The following VPS53 variants were observed in gnomAD, a reference collection of about 807,000 sequenced individuals.
VPS53 encodes the protein vacuolar protein sorting-associated protein 53 homolog.
Under a neutral mutation model 107.0 loss-of-function variants are expected in VPS53, and 70 were observed. The observed-to-expected ratio is 0.65, with a 90% CI of 0.54 to 0.80. The LOEUF (loss-of-function observed/expected upper bound fraction) is 0.80, where lower values mean the gene tolerates loss of function less well. VPS53 is among the 30% of genes least tolerant of loss of function. VPS53 has a pLI of 0.00. For missense variants in VPS53, 917 were observed against 1,049.4 expected (o/e 0.87, Z 1.74); for synonymous variants, 409 against 393.3 (o/e 1.04, Z -0.47).
At chr17:527,602 C>T (rs576363929) in intron 19 of VPS53, among the ~76,000 whole-genome samples, 1 of 152,256 alleles carries the variant, frequency 6.6e-6, no homozygotes, top group Admixed American at 6.5e-5. Context: ...CACTTGGTAT[C>T]ATCACTCTTT....
At chr17:650,325 C>T (rs1970890160) in intron 7 of VPS53, among the ~76,000 whole-genome samples, 1 of 151,660 alleles carries the variant, frequency 6.6e-6, no homozygotes, top group Non-Finnish European at 1.5e-5. Context: ...GAAGATCCCA[C>T]CTCTACAGAA....
At chr17:575,355 G>A (rs190037540) in intron 13 of VPS53, among the ~76,000 whole-genome samples, 88 of 152,306 alleles carry the variant, frequency 5.8e-4, no homozygotes, top group Non-Finnish European at 9.7e-4. Context: ...CATGATAGAA[G>A]CATTAAAAAC....
chr17:592,148 CTTCT>C (rs777621962), intron 12 of VPS53, among the ~76,000 whole-genome samples: 4 of 152,148 alleles, frequency 2.6e-5, no homozygotes, highest in African/African-American at 9.7e-5. Flanking sequence ...AAGTAATGGC[CTTCT>C]TTGTCTCTTT....
At chr17:555,540 G>A (rs1251008953) in intron 15 of VPS53, among the ~76,000 whole-genome samples, 1 of 151,982 alleles carries the variant, frequency 6.6e-6, no homozygotes, top group East Asian at 1.9e-4. Context: ...TTACTATGTT[G>A]GCCAGGCTGG....
At chr17:561,249 G>A (rs1912941901) in intron 14 of VPS53, among the ~76,000 whole-genome samples, 1 of 152,234 alleles carries the variant, frequency 6.6e-6, no homozygotes. Context: ...TGTGACTACA[G>A]GTTTTGGGGC....
chr17:673,055 T>C (rs1046185303), intron 4 of VPS53, among the ~76,000 whole-genome samples: 1 of 147,546 alleles, frequency 6.8e-6, no homozygotes, highest in African/African-American at 2.5e-5. Context: ...GAGCTTGCAG[T>C]GAGCCGAGAT....
intron 10 of VPS53, among the ~76,000 whole-genome samples, chr17:624,718 T>C (rs1969617365): frequency 6.6e-6 from 1 of 152,178 alleles, no homozygotes. Flanking sequence ...CCAGGCTCCA[T>C]TTCTCACTGA....
At chr17:538,876 T>C (rs771579690) in intron 17 of VPS53, 1 of 152,244 alleles carries the variant, frequency 6.6e-6, no homozygotes, top group African/African-American at 2.4e-5. Context: ...TGAAATGTTT[T>C]CCTCATTATC....
chr17:682,786 C>T (rs980928831), intron 4 of VPS53, among the ~76,000 whole-genome samples: 1 of 151,774 alleles, frequency 6.6e-6, no homozygotes, highest in African/African-American at 2.4e-5. Context: ...AGGAAAAGCA[C>T]CCATTGTTAA....
intron 12 of VPS53, among the ~76,000 whole-genome samples, chr17:593,429 C>T (rs1967780077): frequency 1.3e-5 from 2 of 152,168 alleles, no homozygotes; most frequent in Non-Finnish European, 2.9e-5. Context: ...GGCTAATATC[C>T]AGAATCTACA....
intron 4 of VPS53, among the ~76,000 whole-genome samples, chr17:662,513 C>T (rs150845084): frequency 0.01 from 1,595 of 151,928 alleles, 30 homozygotes; most frequent in African/African-American, 0.036. Context: ...CACGGTGAAA[C>T]CCCATCTCTA....
intron 8 of VPS53, among the ~76,000 whole-genome samples, chr17:629,762 CA>C (rs769585612): frequency 3.5e-5 from 5 of 143,250 alleles, no homozygotes; most frequent in Admixed American, 2.1e-4. Context: ...GACTCCATCT[CA>C]AAAAAAAGAA....
intron 13 of VPS53, among the ~76,000 whole-genome samples, chr17:570,984 G>A (rs1302936518): frequency 6.6e-6 from 1 of 152,134 alleles, no homozygotes. Flanking sequence ...TTAAGGAGTA[G>A]TGGCGAATCT....
intron 7 of VPS53, among the ~76,000 whole-genome samples, chr17:651,994 T>C (rs1224650968): frequency 6.6e-6 from 1 of 151,822 alleles, no homozygotes; most frequent in Non-Finnish European, 1.5e-5. Flanking sequence ...AAAGTTTTTG[T>C]GGTTCACTGT....
intron 11 of VPS53, 41 bp downstream of exon 11, chr17:623,492 C>T: frequency 1.9e-6 from 3 of 1,585,496 alleles, no homozygotes; most frequent in Admixed American, 3.4e-5. Context: ...AACCACCCAA[C>T]CCACTGATTT....
chr17:660,486 C>T (rs1025595150), intron 5 of VPS53, among the ~76,000 whole-genome samples: 5 of 152,282 alleles, frequency 3.3e-5, no homozygotes, highest in Middle Eastern at 3.4e-3. Flanking sequence ...CAAACCCCCT[C>T]GGTTGGAAGA....
rs781484164 is a variant in VPS53 at position 553,417 on chromosome 17, G to C, written c.1750C>G (p.Arg584Gly). The C allele has an allele frequency of 2.5e-6, 4 of 1,614,032 alleles. No homozygotes were observed. The South Asian group carries it at 4.4e-5, about 18-fold the overall frequency. The change falls in exon 16 of 22, where the codon CGA becomes GGA. Residue 584 changes from arginine to glycine, a missense_variant. Arg to Gly is a moderately radical substitution (Grantham distance 125). Coordinates refer to ENST00000437048, the MANE Select transcript of VPS53 (RefSeq NM_001128159.3). ...KEKVDVSLIE[R>G]INLTGEMDTF... ...TCCATCTCTCCAGTCAGATTGATTC[G>C]TTCAATCAGACTTACATCCACTTTT... is the stretch of plus-strand genomic sequence containing the variant.
At chr17:680,450 G>A (rs907723223) in intron 4 of VPS53, among the ~76,000 whole-genome samples, 8 of 151,856 alleles carry the variant, frequency 5.3e-5, no homozygotes, top group Middle Eastern at 3.4e-3. Flanking sequence ...GACAATACAC[G>A]ATGACCCAGC....
intron 4 of VPS53, among the ~76,000 whole-genome samples, chr17:687,631 G>A (rs957845185): frequency 6.6e-6 from 1 of 151,604 alleles, no homozygotes; most frequent in Non-Finnish European, 1.5e-5. Context: ...CCAGCTACTC[G>A]GGACGCTGAA....
Sources: gnomAD v4.1 joint callset for allele counts (sites outside exome capture counted in the v4.1 genomes callset) on GRCh38, gnomAD v4.1.1 for gene constraint, MANE v1.5 for transcripts, NCBI Gene and HGNC (gene_info 2026-07-23, HGNC 2026-07-21) for gene names.